Variants in BCAP29 observed in about 807,000 individuals in gnomAD.
The protein encoded by BCAP29 is B cell receptor associated protein 29, also known as B-cell receptor-associated protein 29.
A neutral mutation model predicts 31.8 loss-of-function variants in BCAP29; 34 were observed. The ratio of observed to expected loss-of-function variants is 1.07; its 90% CI spans 0.81 to 1.42. The LOEUF is 1.42. BCAP29 is among the 40% of genes most tolerant of loss of function. The pLI, the probability that BCAP29 is intolerant of heterozygous loss-of-function variation, is 0.00. For missense variants in BCAP29, 314 were observed against 269.2 expected, an observed-to-expected ratio of 1.17 and a Z score of -1.16; for synonymous variants, 104 against 91.3, an observed-to-expected ratio of 1.14 and a Z score of -0.79.
At chr7:107,594,251 C>G (rs977310301) in intron 4 of BCAP29, 146 bp downstream of exon 4, 1 of 670,904 alleles carries the variant, frequency 1.5e-6, no homozygotes, top group African/African-American at 1.8e-5. Flanking sequence ...TGCAGTGGTG[C>G]CTTCATAGCT....
chr7:107,599,975 A>C (rs1010362589), intron 5 of BCAP29, among the ~76,000 whole-genome samples: 1 of 152,132 alleles, frequency 6.6e-6, no homozygotes, highest in Non-Finnish European at 1.5e-5. Flanking sequence ...TTCTCTTACA[A>C]ATTTGTCTGT....
intron 3 of BCAP29, among the ~76,000 whole-genome samples, chr7:107,593,434 T>C (rs1353253320): frequency 2.6e-5 from 4 of 152,230 alleles, no homozygotes; most frequent in African/African-American, 4.8e-5. Flanking sequence ...CGGAGGAGTG[T>C]ATGCCACCAC....
chr7:107,600,565 T>G (rs1324652990), intron 6 of BCAP29, 60 bp downstream of exon 6: 7 of 957,536 alleles, frequency 7.3e-6, no homozygotes, highest in East Asian at 2.4e-5. Context: ...TGCTGTACAC[T>G]TCACTGTTTT....
chr7:107,584,447 GCC>G (rs1807262206), intron 3 of BCAP29, among the ~76,000 whole-genome samples: 2 of 152,198 alleles, frequency 1.3e-5, no homozygotes, highest in Admixed American at 1.3e-4. Context: ...GGTGGCTCAG[GCC>G]TGTAATCCTA....
chr7:107,603,681 C>T (rs1051093461), intron 6 of BCAP29, among the ~76,000 whole-genome samples: 1 of 145,898 alleles, frequency 6.9e-6, no homozygotes, highest in Non-Finnish European at 1.5e-5. Context: ...TCTTGGCTTA[C>T]TGCAACCTCG....
chr7:107,621,850 T>C, downstream of BCAP29: 1 of 532,396 alleles, frequency 1.9e-6, no homozygotes, highest in African/African-American at 1.9e-5. Flanking sequence ...ACTATGGGAA[T>C]AAATTTATTG....
chr7:107,612,635 C>T (rs541552103), intron 6 of BCAP29, among the ~76,000 whole-genome samples: 1 of 151,526 alleles, frequency 6.6e-6, no homozygotes, highest in Admixed American at 6.6e-5. Context: ...AATGGAAAAA[C>T]CAGTGAGGGA....
chr7:107,615,443 A>C (rs963323699), intron 7 of BCAP29: 7 of 382,004 alleles, frequency 1.8e-5, no homozygotes, highest in Non-Finnish European at 3.2e-5. Flanking sequence ...AAAAATACAA[A>C]AAATTAGCCG....
At chr7:107,622,148 G>A (rs1815029987), downstream of BCAP29, 1 of 350,310 alleles carries the variant, frequency 2.9e-6, no homozygotes, top group South Asian at 2.5e-5. Flanking sequence ...GGACTATGAC[G>A]ACCTCCTCAT....
At chr7:107,586,728 C>CTTTT (rs763602838) in intron 3 of BCAP29, among the ~76,000 whole-genome samples, 3 of 131,588 alleles carry the variant, frequency 2.3e-5, no homozygotes, top group Non-Finnish European at 3.3e-5. Flanking sequence ...TGTATTTATT[C>CTTTT]TTTTTTTTTT....
intron 3 of BCAP29, among the ~76,000 whole-genome samples, chr7:107,589,364 C>T (rs1375286154): frequency 2.0e-5 from 3 of 152,178 alleles, no homozygotes; most frequent in Non-Finnish European, 4.4e-5. Flanking sequence ...GAGCTTGTTT[C>T]CTACAACTGG....
intron 3 of BCAP29, among the ~76,000 whole-genome samples, chr7:107,588,803 C>T (rs552152907): frequency 6.6e-6 from 1 of 152,306 alleles, no homozygotes; most frequent in African/African-American, 2.4e-5. Flanking sequence ...ACCCCAAAAT[C>T]CACATGTAAA....
chr7:107,594,914 G>T (rs1585103857), intron 4 of BCAP29, among the ~76,000 whole-genome samples: 1 of 152,092 alleles, frequency 6.6e-6, no homozygotes, highest in South Asian at 2.1e-4. Flanking sequence ...GAATGATTAG[G>T]CTCCTGCCTC....
chr7:107,598,959 A>G (rs1810368970), intron 5 of BCAP29, among the ~76,000 whole-genome samples: 1 of 144,290 alleles, frequency 6.9e-6, no homozygotes, highest in Non-Finnish European at 1.5e-5. Flanking sequence ...GCACACGTGT[A>G]TATATAAATT....
chr7:107,607,083 G>T (rs10237948), intron 6 of BCAP29, among the ~76,000 whole-genome samples: 108,899 of 152,062 alleles, frequency 0.72, 39,036 homozygotes, highest in South Asian at 0.84. Context: ...GGGAGGCCGG[G>T]GCAGGTGGAT....
chr7:107,622,006 A>G (rs1815018821), downstream of BCAP29: 1 of 462,352 alleles, frequency 2.2e-6, no homozygotes, highest in Admixed American at 2.3e-5. Flanking sequence ...CGTCTTCCCC[A>G]TTAGCCATTT....
chr7:107,613,601 T>C (rs1483466496), intron 7 of BCAP29, 169 bp downstream of exon 7: 3 of 1,519,100 alleles, frequency 2.0e-6, no homozygotes, highest in Non-Finnish European at 2.7e-6. Flanking sequence ...GATTAGGACA[T>C]TGCAGGAAAA....
Position 107,594,084 on chromosome 7 carries a change from G to T in BCAP29, c.323G>T (p.Gly108Val). Residue 108 changes from glycine to valine, a missense_variant, in exon 4 of 8, where the codon GGA (glycine) becomes GTA (valine). Coordinates refer to ENST00000005259, the MANE Select transcript of BCAP29 (RefSeq NM_018844.4). ...FRSQRNLYIS[G>V]FSLFFWLVLR... The stretch of plus-strand genomic sequence containing the variant: ...TCTCAAAGAAATCTTTACATTTCTG[G>T]ATTTTCCCTATTTTTTTGGCTGTAA... 6.2e-7 allele frequency: 1 copy of T among 1,611,404 alleles called. No individual in the cohort carries two copies. Among genetic ancestry groups the T allele is most frequent in the Non-Finnish European group, 8.5e-7 (1 of 1,178,714 alleles).
intron 7 of BCAP29, among the ~76,000 whole-genome samples, chr7:107,616,072 C>T (rs1459498985): frequency 6.6e-6 from 1 of 152,182 alleles, no homozygotes; most frequent in African/African-American, 2.4e-5. Context: ...CCTCTCACCA[C>T]TGCTTTACTC....
Sources: allele counts gnomAD v4.1 joint callset (sites outside exome capture counted in the v4.1 genomes callset), GRCh38; gene constraint gnomAD v4.1.1; transcripts MANE v1.5; gene names NCBI Gene and HGNC (gene_info 2026-07-23, HGNC 2026-07-21).